The following CA5B variants were observed in gnomAD, a reference collection of about 807,000 sequenced individuals.
CA5B encodes the protein carbonic anhydrase 5B, mitochondrial.
A neutral mutation model predicts 23.1 loss-of-function variants in CA5B; 15 were observed. That is an observed-to-expected ratio of 0.65 (90% CI 0.43 to 1.00). The LOEUF is 1.00. Ranked by LOEUF, CA5B falls within the 50% of genes least tolerant of loss-of-function variation. The pLI is 0.00. For synonymous variants in CA5B, 84 were observed against 98.5 expected, an observed-to-expected ratio of 0.85 and a Z score of 0.87; for missense variants, 236 against 252.2, an observed-to-expected ratio of 0.94 and a Z score of 0.43.
intron 3 of CA5B, 68 bp from the exon 4 acceptor site, chrX:15,772,428 G>T: frequency 1.5e-6 from 1 of 645,329 alleles, no homozygotes. Context: ...TTGGAGATTT[G>T]GCCTTTCACC....
intron 3 of CA5B, among the ~76,000 whole-genome samples, chrX:15,767,453 G>T (rs1440756270): frequency 9.2e-6 from 1 of 108,400 alleles, no homozygotes; most frequent in Non-Finnish European, 1.9e-5. Flanking sequence ...CCAGGCTGGA[G>T]TGCAGTGGCA....
intron 2 of CA5B, among the ~76,000 whole-genome samples, chrX:15,752,520 T>C (rs1374163188): frequency 9.7e-6 from 1 of 103,142 alleles, no homozygotes; most frequent in Non-Finnish European, 2.0e-5. Context: ...GGTCAGGAGA[T>C]CAAGACTATC....
intron 1 of CA5B, among the ~76,000 whole-genome samples, chrX:15,747,073 T>A (rs150238362): frequency 0.045 from 5,038 of 111,495 alleles, 258 homozygotes; most frequent in East Asian, 0.34. Flanking sequence ...GCTATCAATT[T>A]TGTTTCAGAG....
At chrX:15,762,403 G>A (rs1931622064) in intron 2 of CA5B, among the ~76,000 whole-genome samples, 1 of 110,776 alleles carries the variant, frequency 9.0e-6, no homozygotes, top group African/African-American at 3.3e-5. Context: ...ATACGTGAGG[G>A]ATTTGACAGA....
At chrX:15,742,804 C>T (rs1249596039) in intron 1 of CA5B, among the ~76,000 whole-genome samples, 2 of 112,562 alleles carry the variant, frequency 1.8e-5, no homozygotes, top group Non-Finnish European at 3.8e-5. Flanking sequence ...TAACCCTATT[C>T]CCCTCCCGCA....
intron 2 of CA5B, among the ~76,000 whole-genome samples, chrX:15,753,735 C>T (rs775470206): frequency 9.0e-6 from 1 of 111,589 alleles, no homozygotes; most frequent in South Asian, 3.8e-4. Context: ...ATGGTGAAAC[C>T]CCATCTCTAC....
At chrX:15,742,193 C>A (rs1197699194) in intron 1 of CA5B, among the ~76,000 whole-genome samples, 1 of 112,243 alleles carries the variant, frequency 8.9e-6, no homozygotes, top group Non-Finnish European at 1.9e-5. Flanking sequence ...CAAGATATAT[C>A]AAAATTCAAC....
chrX:15,752,565 A>G (rs1240337626), intron 2 of CA5B, among the ~76,000 whole-genome samples: 1 of 110,822 alleles, frequency 9.0e-6, no homozygotes, highest in Non-Finnish European at 1.9e-5. Context: ...CTCTACTAAA[A>G]ATACAGAAAA....
intron 1 of CA5B, among the ~76,000 whole-genome samples, chrX:15,741,674 C>T (rs777772914): frequency 9.1e-6 from 1 of 109,361 alleles, no homozygotes; most frequent in Admixed American, 9.8e-5. Context: ...GACGAGGTTT[C>T]ACCATCTTGG....
intron 2 of CA5B, among the ~76,000 whole-genome samples, chrX:15,753,804 G>T (rs1173983300): frequency 8.9e-6 from 1 of 112,183 alleles, no homozygotes; most frequent in Non-Finnish European, 1.9e-5. Flanking sequence ...AGCTACTCAG[G>T]AGGCTGAGGC....
At chrX:15,744,039 G>A (rs972420279) in intron 1 of CA5B, among the ~76,000 whole-genome samples, 36 of 112,087 alleles carry the variant, frequency 3.2e-4, no homozygotes, top group African/African-American at 1.1e-3. Flanking sequence ...TGACTGAGAG[G>A]GTGAAGGTGA....
chrX:15,765,036 C>A, intron 3 of CA5B: 1 of 301,456 alleles, frequency 3.3e-6, no homozygotes, highest in Non-Finnish European at 5.7e-6. Flanking sequence ...TGGTATAGAG[C>A]ATAGGTGTGC....
At chrX:15,759,495 C>T (rs1931557114) in intron 2 of CA5B, among the ~76,000 whole-genome samples, 1 of 111,548 alleles carries the variant, frequency 9.0e-6, no homozygotes, top group Non-Finnish European at 1.9e-5. Context: ...ACCCAGTCTG[C>T]TGGTGCCTCG....
At chrX:15,762,245 G>A (rs1038202669) in intron 2 of CA5B, among the ~76,000 whole-genome samples, 1 of 107,698 alleles carries the variant, frequency 9.3e-6, no homozygotes, top group Non-Finnish European at 1.9e-5. Context: ...ACTCCAGCCT[G>A]GGAGACAGAG....
intron 2 of CA5B, among the ~76,000 whole-genome samples, chrX:15,756,872 G>A (rs1027868196): frequency 9.2e-6 from 1 of 108,347 alleles, no homozygotes; most frequent in African/African-American, 3.4e-5. Context: ...GGCTAACACC[G>A]TGAAACCCCG....
intron 3 of CA5B, chrX:15,765,275 TG>T: frequency 2.6e-6 from 1 of 389,873 alleles, no homozygotes; most frequent in Non-Finnish European, 3.3e-6. Flanking sequence ...ACTTATGATC[TG>T]GTAATTTTGT....
chrX:15,772,336 T>C (rs1386043776), intron 3 of CA5B, among the ~76,000 whole-genome samples, 160 bp from the exon 4 acceptor site: 2 of 112,510 alleles, frequency 1.8e-5, no homozygotes, highest in African/African-American at 6.4e-5. Context: ...TATACGTGCA[T>C]TGACTTCATG....
At chrX:15,767,107 T>C (rs1931724293) in intron 3 of CA5B, 1 of 863,685 alleles carries the variant, frequency 1.2e-6, no homozygotes, top group African/African-American at 2.1e-5. Context: ...GTCTATAGGA[T>C]ACCAACCCTC....
intron 1 of CA5B, among the ~76,000 whole-genome samples, chrX:15,739,440 T>G (rs1931074452): frequency 1.0e-5 from 1 of 97,228 alleles, no homozygotes; most frequent in African/African-American, 3.5e-5. Flanking sequence ...TAGGAATATT[T>G]TTTACTGAGG....
Sources: allele counts gnomAD v4.1 joint callset (sites outside exome capture counted in the v4.1 genomes callset), GRCh38; gene constraint gnomAD v4.1.1; transcripts MANE v1.5; gene names NCBI Gene and HGNC (gene_info 2026-07-23, HGNC 2026-07-21).